RIF1: variants seen among roughly 807,000 people sequenced by gnomAD.
RIF1 encodes replication timing regulatory factor 1, also known as telomere-associated protein RIF1.
In RIF1, 45 loss-of-function variants were observed where a neutral mutation model predicts 247.1. The observed-to-expected ratio is 0.18, with a 90% CI of 0.14 to 0.23. RIF1 has a LOEUF of 0.23. Among genes scored for constraint, RIF1 ranks in the 10% least tolerant of loss-of-function variants. RIF1 has a pLI of 1.00. For synonymous variants in RIF1, 1,087 were observed against 978.8 expected, an observed-to-expected ratio of 1.11 and a Z score of -2.06; for missense variants, 2,967 against 2,862.5, an observed-to-expected ratio of 1.04 and a Z score of -0.83.
chr2:151,460,022 T>TGAA lies in RIF1; in HGVS notation c.2981_2983dup (p.Lys994dup), dbSNP rs774264810. 4 of 1,548,136 alleles carry TGAA rather than the reference T, an allele frequency of 2.6e-6. No individual in the cohort carries two copies. The highest frequency in any genetic ancestry group is 3.5e-6 in the Non-Finnish European group (4 of 1,139,336). On this transcript the variant is annotated inframe_insertion, in exon 26 of 36. Transcript: ENST00000444746. ...CAGACAGAAAATTCACAACTAAATGTGAAGATAAGTGGCATGGAGAGAAAA... is the reference window on the plus strand; with the variant it reads ...CAGACAGAAAATTCACAACTAAATGTGAAGAAGATAAGTGGCATGGAGAGAAAA...
intron 27 of RIF1, among the ~76,000 whole-genome samples, chr2:151,461,609 G>A (rs1232656879): frequency 6.6e-6 from 1 of 151,892 alleles, no homozygotes; most frequent in Non-Finnish European, 1.5e-5. Context: ...AGCCAGGATG[G>A]TCTTGATCTC....
rs35077506 is a variant in RIF1, at chr2:151,421,837, AT to A, written c.694-1098del. On this transcript the variant is annotated intron_variant, in intron 7 of 35. Coordinates refer to ENST00000444746, the MANE Select transcript of RIF1 (RefSeq NM_018151.5). ...GAATTCAATTTTAGTGACATATATA[AT>A]TTTTTTTTTTTTTTCGAGACAGTTT... is the stretch of plus-strand genomic sequence containing the variant. Among the ~76,000 whole-genome samples the A allele has an allele frequency of 7.8e-3, 1,111 of 142,170 alleles. 10 individuals are homozygous for A. Among genetic ancestry groups the A allele is most frequent in the East Asian group, 0.051 (251 of 4,944 alleles). 93.3% of individuals were successfully genotyped at this position (142,170 alleles called of 152,430 possible).
Position 151,438,672 on chromosome 2 carries a change from T to C in RIF1, c.1484-12T>C. 6.2e-7 allele frequency: 1 copy of C among 1,601,546 alleles called. No individual in the cohort carries two copies. The highest frequency in any genetic ancestry group is 1.7e-5 in the Admixed American group (1 of 59,998). On this transcript the variant is annotated splice_polypyrimidine_tract_variant and intron_variant, in intron 13 of 35. Coordinates refer to ENST00000444746, the MANE Select transcript of RIF1 (RefSeq NM_018151.5). The stretch of plus-strand genomic sequence containing the variant: ...CTTCATTTAAAATACTCAAGTTTAT[T>C]TTGTTTGACAGATGTGGTTGTCAGT...
intron 20 of RIF1, among the ~76,000 whole-genome samples, chr2:151,449,844 C>CT (rs11405455): frequency 0.65 from 89,489 of 137,070 alleles, 29,078 homozygotes; most frequent in Middle Eastern, 0.73. Context: ...ACTTTGATGC[C>CT]TTTTTTTTTT....
chr2:151,505,074 T>C (rs2067739413), intron 12 of RIF1, among the ~76,000 whole-genome samples: 1 of 152,206 alleles, frequency 6.6e-6, no homozygotes, highest in Non-Finnish European at 1.5e-5. Context: ...ACATGTTTTA[T>C]ATATATACAC....
intron 22 of RIF1, 121 bp downstream of exon 22, chr2:151,455,280 T>C: frequency 1.6e-6 from 1 of 633,774 alleles, no homozygotes; most frequent in Non-Finnish European, 2.6e-6. Flanking sequence ...GTGGAGAGGA[T>C]AATAAACTAC....
intron 9 of RIF1, among the ~76,000 whole-genome samples, chr2:151,429,512 G>C (rs535320312): frequency 2.6e-5 from 4 of 152,312 alleles, no homozygotes; most frequent in Non-Finnish European, 5.9e-5. Flanking sequence ...TGTTAGCACT[G>C]AGTTGAGTAC....
chr2:151,461,050 G>A, intron 26 of RIF1, 88 bp from the exon 27 acceptor site: 2 of 1,173,888 alleles, frequency 1.7e-6, no homozygotes, highest in Non-Finnish European at 2.4e-6. Flanking sequence ...ATTGAAAAAT[G>A]GTGTCATTAT....
At chr2:151,415,465 G>T (rs772239513) in intron 4 of RIF1, among the ~76,000 whole-genome samples, 1 of 150,824 alleles carries the variant, frequency 6.6e-6, no homozygotes, top group African/African-American at 2.4e-5. Context: ...GTGGTGGCAG[G>T]TGCCTGTAGT....
chr2:151,527,819 G>A, the RIF1 span, among the ~76,000 whole-genome samples: 8 of 152,150 alleles, frequency 5.3e-5, no homozygotes, highest in African/African-American at 1.4e-4. Flanking sequence ...AAAGGCCTCC[G>A]GGTGAAATGA....
chr2:151,485,112 C>T (rs1222372836), downstream of RIF1, among the ~76,000 whole-genome samples: 3 of 152,150 alleles, frequency 2.0e-5, no homozygotes, highest in Non-Finnish European at 2.9e-5. Context: ...GGGAAAGATG[C>T]CCTTGAAGTT....
the RIF1 span, among the ~76,000 whole-genome samples, chr2:151,531,300 T>TTTTC: frequency 1.4e-3 from 202 of 147,202 alleles, 6 homozygotes; most frequent in East Asian, 0.027. Flanking sequence ...AACTCTCTTT[T>TTTTC]TTTCTTTCTT....
intron 9 of RIF1, chr2:151,489,846 TA>T: frequency 1.7e-6 from 1 of 581,584 alleles, no homozygotes; most frequent in South Asian, 3.1e-5. Context: ...AAACATGTAA[TA>T]AAAGAGCATT....
chr2:151,410,146 C>T (rs1464969800), intron 1 of RIF1, 113 bp downstream of exon 1: 3 of 671,250 alleles, frequency 4.5e-6, no homozygotes, highest in South Asian at 1.6e-5. Flanking sequence ...CGCCCTCCGC[C>T]GATCTCCTCC....
At chr2:151,498,818 T>TTTAA (rs772318963) in intron 10 of RIF1, among the ~76,000 whole-genome samples, 8 of 152,024 alleles carry the variant, frequency 5.3e-5, no homozygotes, top group Non-Finnish European at 1.0e-4. Flanking sequence ...AGTCAGAGTA[T>TTTAA]TTAATTTTTA....
chr2:151,506,481 T>C (rs1055001330), intron 13 of RIF1: 36 of 507,338 alleles, frequency 7.1e-5, no homozygotes, highest in African/African-American at 6.4e-4. Flanking sequence ...TCTAAGATTG[T>C]GGTATACCAT....
intron 9 of RIF1, chr2:151,493,563 G>A (rs1246253333): frequency 1.1e-5 from 8 of 740,244 alleles, no homozygotes; most frequent in Non-Finnish European, 1.7e-5. Flanking sequence ...TGAAGGTAAA[G>A]CTATTAAAAT....
intron 12 of RIF1, among the ~76,000 whole-genome samples, chr2:151,503,763 A>G (rs2066608788): frequency 1.3e-5 from 2 of 152,212 alleles, no homozygotes; most frequent in African/African-American, 4.8e-5. Flanking sequence ...TGCCTCAAAT[A>G]TAGTAGGCCT....
At chr2:151,426,172 T>TTTTTTTTC (rs1689060193) in intron 8 of RIF1, among the ~76,000 whole-genome samples, 2 of 115,170 alleles carry the variant, frequency 1.7e-5, no homozygotes, top group Non-Finnish European at 3.6e-5. Flanking sequence ...CTTTTAATTT[T>TTTTTTTTC]TTTTTTTTTT....
Sources: gnomAD v4.1 joint callset for allele counts (sites outside exome capture counted in the v4.1 genomes callset) on GRCh38, gnomAD v4.1.1 for gene constraint, MANE v1.5 for transcripts, NCBI Gene and HGNC (gene_info 2026-07-23, HGNC 2026-07-21) for gene names.